CERS3: variants seen among roughly 807,000 people sequenced by gnomAD.
CERS3 encodes ceramide synthase 3.
In CERS3, 33 loss-of-function variants were observed where a neutral mutation model predicts 50.3. The ratio of observed to expected loss-of-function variants is 0.66; its 90% CI spans 0.50 to 0.88. The LOEUF (loss-of-function observed/expected upper bound fraction) is 0.88. Ranked by LOEUF, CERS3 falls within the 40% of genes least tolerant of loss-of-function variation. The pLI, the probability that CERS3 is intolerant of heterozygous loss-of-function variation, is 0.00. For synonymous variants in CERS3, 176 were observed against 155.2 expected (o/e 1.13, Z -0.99); for missense variants, 470 against 460.3 (o/e 1.02, Z -0.19).
chr15:100,421,686 C>A (rs920171135), intron 11 of CERS3, among the ~76,000 whole-genome samples: 1 of 150,196 alleles, frequency 6.7e-6, no homozygotes, highest in Non-Finnish European at 1.5e-5. Flanking sequence ...TCAAACTATA[C>A]GACAAGGCTA....
Position 100,501,659 on chromosome 15 carries a change from G to C in CERS3, c.173+18C>G. 2 of 1,594,406 alleles carry C rather than the reference G, an allele frequency of 1.3e-6. No individual in the cohort carries two copies. Among genetic ancestry groups the C allele is most frequent in the Non-Finnish European group, 8.6e-7 (1 of 1,162,426 alleles). On this transcript the variant is annotated intron_variant, in intron 3 of 11. Coordinates refer to ENST00000679737, the MANE Select transcript of CERS3 (RefSeq NM_001378789.1). ...GCAAAGAGGGGGAATGGGAAGGAAA[G>C]ACACAAGTACTACTTACTTTTCAAA...
At chr15:100,403,896 C>A (rs2030765257) in intron 11 of CERS3, among the ~76,000 whole-genome samples, 1 of 152,008 alleles carries the variant, frequency 6.6e-6, no homozygotes, top group African/African-American at 2.4e-5. Flanking sequence ...TTTTATGAGG[C>A]CAGAATTACC....
At chr15:100,543,679 A>G (rs1001333406) in intron 1 of CERS3, among the ~76,000 whole-genome samples, 15 of 151,654 alleles carry the variant, frequency 9.9e-5, no homozygotes, top group Non-Finnish European at 1.8e-4. Context: ...ACAGGTGCCC[A>G]CCACCACGCT....
At chr15:100,520,060 A>T (rs1392009813) in intron 2 of CERS3, among the ~76,000 whole-genome samples, 1 of 152,162 alleles carries the variant, frequency 6.6e-6, no homozygotes, top group South Asian at 2.1e-4. Flanking sequence ...GGATCCTAGA[A>T]TTCCCTGCCT....
At position 100,452,397 on chromosome 15, in the gene CERS3, A is replaced by C. The variant is rs548965596; in HGVS notation, c.999+3496T>G. 9.9e-4 allele frequency among the ~76,000 whole-genome samples: 151 copies of C among 152,324 alleles called. 2 individuals carry two copies. The South Asian group carries it at 0.03, about 30-fold the overall frequency. On this transcript the variant is annotated intron_variant, in intron 11 of 11. Coordinates refer to ENST00000679737, the MANE Select transcript of CERS3 (RefSeq NM_001378789.1). ...GAATACATGGAAAAAAACATGCTCC[A>C]AAATGACCACTAGGTCAAGAAAGAA... is the stretch of plus-strand genomic sequence containing the variant.
At chr15:100,476,847 T>C (rs1432798092) in intron 7 of CERS3, among the ~76,000 whole-genome samples, 1 of 152,194 alleles carries the variant, frequency 6.6e-6, no homozygotes, top group Non-Finnish European at 1.5e-5. Context: ...CCTCCAACAC[T>C]GACTATGGAC....
intron 11 of CERS3, among the ~76,000 whole-genome samples, chr15:100,417,774 CT>C (rs924781762): frequency 2.6e-5 from 4 of 151,830 alleles, no homozygotes; most frequent in Non-Finnish European, 5.9e-5. Context: ...TCCCTGACCC[CT>C]GACCCCTGGG....
At chr15:100,487,494 C>G (rs368871971) in intron 4 of CERS3, among the ~76,000 whole-genome samples, 41 of 152,310 alleles carry the variant, frequency 2.7e-4, no homozygotes, top group African/African-American at 9.9e-4. Context: ...GTGACAGAGC[C>G]AGGCTCTAAC....
Position 100,402,524 on chromosome 15 carries a change from C to T in CERS3, c.*189G>A. 1 of 585,734 alleles carries T rather than the reference C, an allele frequency of 1.7e-6. No individual in the cohort carries two copies. The allele number at this position is 585,734 out of a possible 1,614,324, so 36.3% of individuals were successfully genotyped here. A position where few individuals can be genotyped will look rare whatever the true frequency, so the allele number is the denominator to read the frequency against. On this transcript the variant is annotated 3_prime_UTR_variant, in exon 12 of 12. Transcript: ENST00000679737. The stretch of plus-strand genomic sequence containing the variant: ...CTGAGTCCTAACTGCAGTAAAAATC[C>T]ATGGGCATGCTTATATTTAACATTT...
intron 2 of CERS3, among the ~76,000 whole-genome samples, chr15:100,519,839 C>T (rs1280199306): frequency 2.0e-5 from 3 of 152,226 alleles, no homozygotes; most frequent in Non-Finnish European, 4.4e-5. Context: ...TGTCACACAA[C>T]AGTCAAAGGT....
intron 8 of CERS3, 31 bp downstream of exon 8, chr15:100,476,055 G>C: frequency 6.9e-7 from 1 of 1,447,356 alleles, no homozygotes; most frequent in South Asian, 1.3e-5. Context: ...TGAAGAAATT[G>C]ATAAAGAAGC....
rs185348067 is a variant in CERS3, at chr15:100,472,285, G to A, written c.738+639C>T. On this transcript the variant is annotated intron_variant, in intron 9 of 11. Coordinates refer to ENST00000679737, the MANE Select transcript of CERS3 (RefSeq NM_001378789.1). ...AAGGGGACAATTCCATCACTGCCTGGGGTCAACAAGAATCAAAATAGAACA... is the reference window on the plus strand; with the variant it reads ...AAGGGGACAATTCCATCACTGCCTGAGGTCAACAAGAATCAAAATAGAACA... Among the ~76,000 whole-genome samples the A allele has an allele frequency of 3.1e-3, 471 of 152,232 alleles. 3 individuals are homozygous for A. Among genetic ancestry groups the A allele is most frequent in the African/African-American group, 0.01 (436 of 41,534 alleles).
rs139801462 is a variant in CERS3 at position 100,523,929 on chromosome 15, T to C, written c.-91-2173A>G. Among the ~76,000 whole-genome samples, 79 of 152,314 alleles carry C rather than the reference T, an allele frequency of 5.2e-4. 1 individual carries two copies. The East Asian group carries it at 0.013, about 25-fold the overall frequency. ...GTTTTACCTGTCACATCTAGATTAATACTTAGAGCTGTATGAATTTTAAGA... is the reference window on the plus strand; with the variant it reads ...GTTTTACCTGTCACATCTAGATTAACACTTAGAGCTGTATGAATTTTAAGA... On this transcript the variant is annotated intron_variant, in intron 1 of 11. Transcript: ENST00000679737.
chr15:100,535,561 C>T (rs573154049), intron 1 of CERS3, among the ~76,000 whole-genome samples: 5 of 147,446 alleles, frequency 3.4e-5, no homozygotes, highest in South Asian at 4.4e-4. Context: ...TATGTAAGCA[C>T]GATTAGAAGT....
intron 11 of CERS3, among the ~76,000 whole-genome samples, chr15:100,405,645 TA>T (rs1212856301): frequency 6.6e-6 from 1 of 152,166 alleles, no homozygotes; most frequent in Non-Finnish European, 1.5e-5. Flanking sequence ...CTCAAAAAGA[TA>T]AAACTATAGG....
At chr15:100,530,013 C>T (rs976394607), upstream of CERS3, among the ~76,000 whole-genome samples, 2 of 152,230 alleles carry the variant, frequency 1.3e-5, no homozygotes, top group African/African-American at 4.8e-5. Flanking sequence ...AACGCCCTTC[C>T]TTTCACTGGG....
At chr15:100,485,107 C>T (rs547536472) in intron 4 of CERS3, among the ~76,000 whole-genome samples, 88 of 152,276 alleles carry the variant, frequency 5.8e-4, no homozygotes, top group Non-Finnish European at 1.0e-3. Flanking sequence ...AAATTAGAAG[C>T]AAAGTGTGGA....
intron 1 of CERS3, among the ~76,000 whole-genome samples, chr15:100,538,412 T>G (rs1596834435): frequency 1.3e-5 from 2 of 152,222 alleles, no homozygotes; most frequent in African/African-American, 4.8e-5. Flanking sequence ...CTGCAGCAAA[T>G]TTCTGCCTAG....
At chr15:100,478,257 T>C (rs1453735508) in intron 7 of CERS3, among the ~76,000 whole-genome samples, 1 of 152,164 alleles carries the variant, frequency 6.6e-6, no homozygotes, top group Non-Finnish European at 1.5e-5. Context: ...TAATAGTAGA[T>C]TAGACATGGC....
Sources: gnomAD v4.1 joint callset for allele counts (sites outside exome capture counted in the v4.1 genomes callset) on GRCh38, gnomAD v4.1.1 for gene constraint, MANE v1.5 for transcripts, NCBI Gene and HGNC (gene_info 2026-07-23, HGNC 2026-07-21) for gene names.